The following RTEL1 variants were observed in gnomAD, a reference collection of about 807,000 sequenced individuals.
RTEL1 encodes regulator of telomere length.
In RTEL1, 86 loss-of-function variants were observed where a neutral mutation model predicts 162.2. The ratio of observed to expected loss-of-function variants is 0.53; its 90% CI spans 0.45 to 0.63. The LOEUF is 0.63. Ranked by LOEUF, RTEL1 falls within the 30% of genes least tolerant of loss-of-function variation. The pLI is 0.00. For synonymous variants in RTEL1, 958 were observed against 717.9 expected, an observed-to-expected ratio of 1.33 and a Z score of -5.35; for missense variants, 1,941 against 1,750.2, an observed-to-expected ratio of 1.11 and a Z score of -1.95.
intron 30 of RTEL1, among the ~76,000 whole-genome samples, chr20:63,693,923 C>G (rs991735279): frequency 6.6e-6 from 1 of 150,998 alleles, no homozygotes; most frequent in African/African-American, 2.4e-5. Context: ...ACGCCAGGGT[C>G]CTAGGGTCCT....
intron 17 of RTEL1, 36 bp from the exon 18 acceptor site, chr20:63,687,901 A>G (rs2090633598): frequency 6.2e-7 from 1 of 1,606,888 alleles, no homozygotes; most frequent in African/African-American, 1.3e-5. Flanking sequence ...GTGCTGGTGC[A>G]CTTCCCCACT....
rs143200080 is a variant in RTEL1 at position 63,689,720 on chromosome 20, C to T, written c.2026-30C>T. ...AGCCCCCGCCCCGTGGCCAAGGGAG[C>T]CCCCGTGACCGAGCCGCCTCGCCCC... On this transcript the variant is annotated intron_variant, in intron 23 of 34. Coordinates refer to ENST00000360203, the MANE Select transcript of RTEL1 (RefSeq NM_001283009.2). The T allele has an allele frequency of 0.029, 47,271 of 1,604,548 alleles. 843 individuals are homozygous for T. Among genetic ancestry groups the T allele is most frequent in the Non-Finnish European group, 0.034 (39,926 of 1,174,002 alleles).
chr20:63,694,299 G>GGCCCGCCCCCCC, intron 30 of RTEL1, 73 bp from the exon 31 acceptor site: 3 of 841,716 alleles, frequency 3.6e-6, no homozygotes, highest in Non-Finnish European at 4.0e-6. Flanking sequence ...TCCCTAGCCA[G>GGCCCGCCCCCCC]CCCTGCCCCC....
Position 63,661,271 on chromosome 20 carries a change from G to A in RTEL1, c.103-27G>A, listed in dbSNP as rs537727519. 3.1e-5 allele frequency: 50 copies of A among 1,605,128 alleles called. 1 individual carries two copies. Among genetic ancestry groups the A allele is most frequent in the Non-Finnish European group, 3.6e-5 (42 of 1,175,056 alleles). ...GGCCTCGCCTCTTCCTGGCTTCCCC[G>A]TAACCCTTGCTCCGAACTCCGTTCA... is the stretch of plus-strand genomic sequence containing the variant. On this transcript the variant is annotated intron_variant, in intron 2 of 34. Transcript: ENST00000360203. The surrounding 1 kb of genome is among the most constrained non-coding windows in gnomAD (Gnocchi z 5.1).
At chr20:63,677,163 G>A (rs2090371556) in intron 10 of RTEL1, among the ~76,000 whole-genome samples, 1 of 152,186 alleles carries the variant, frequency 6.6e-6, no homozygotes. Flanking sequence ...AATCAGCCAA[G>A]TCTCCAAGAA....
intron 13 of RTEL1, among the ~76,000 whole-genome samples, chr20:63,680,221 T>C (rs2090452893): frequency 6.6e-6 from 1 of 152,208 alleles, no homozygotes; most frequent in South Asian, 2.1e-4. Context: ...CTAGCTGGCT[T>C]GTGGGGCCTC....
At position 63,693,027 on chromosome 20, in the gene RTEL1, C is replaced by T. The variant is rs2090794267; in HGVS notation, c.2851+24C>T. 3 of 1,611,830 alleles carry T rather than the reference C, an allele frequency of 1.9e-6. No homozygotes were observed. In the South Asian group the frequency reaches 3.3e-5, roughly 18 times the overall value. The stretch of plus-strand genomic sequence containing the variant: ...AGGTGCCCTGGCTTGCAGAGGCCAC[C>T]CACCCTGAGGGCAGTGCTGCCGCCG... On this transcript the variant is annotated intron_variant, in intron 29 of 34. Transcript: ENST00000360203.
In RTEL1 at chr20:63,689,810, G is replaced by A. The variant is rs760108811; in HGVS notation, c.2086G>A (p.Gly696Arg). 1 of 1,612,054 alleles carries A rather than the reference G, an allele frequency of 6.2e-7. No homozygotes were observed. The highest frequency in any genetic ancestry group is 8.5e-7 in the Non-Finnish European group (1 of 1,179,776). The stretch of plus-strand genomic sequence containing the variant: ...GTCCAGGGCTGTGAACCAGGCCATC[G>A]GGCGAGTGATCCGGCACCGCCAGGA... ...QASRAVNQAI[G>R]RVIRHRQDYG... Residue 696 changes from glycine to arginine, a missense_variant, in exon 24 of 35, where the codon GGG (glycine) becomes AGG (arginine). Physicochemically the swap from Gly to Arg is moderately radical, Grantham distance 125. Transcript: ENST00000360203.
rs370343781 is a variant in RTEL1, at chr20:63,687,765, G to T, written c.1476G>T (p.Met492Ile). Residue 492 changes from methionine to isoleucine, a missense_variant, in exon 17 of 35, where the codon ATG becomes ATT. Transcript: ENST00000360203. ...LAPVSSFALEMQIPFPVCLEN... is the reference protein window; with the variant it reads ...LAPVSSFALEIQIPFPVCLEN... ...CGGTGTCCTCCTTTGCTCTGGAGAT[G>T]CAGATGTACGGGCCACCCCTGCCAG... 31 of 1,572,500 alleles carry T rather than the reference G, an allele frequency of 2.0e-5. No individual in the cohort carries two copies. The highest frequency in any genetic ancestry group is 1.7e-6 in the Non-Finnish European group (2 of 1,159,918).
In RTEL1 at chr20:63,692,927, C is replaced by T. The variant is rs12480346; in HGVS notation, c.2775C>T (p.Ser925=). The T allele has an allele frequency of 2.6e-3, 4,192 of 1,612,652 alleles. 107 individuals are homozygous for T. In the Admixed American group the frequency reaches 0.046, roughly 18 times the overall value. The change falls in exon 29 of 35, where the codon TCC becomes TCT. Residue 925 remains serine (S), a synonymous_variant. Coordinates refer to ENST00000360203, the MANE Select transcript of RTEL1 (RefSeq NM_001283009.2). The part of the protein sequence containing the change: ...FTQALQDYKG[S]DDFAALAACL... Reference sequence around the variant, plus strand: ...AGGCCCTGCAGGACTACAAGGGTTCCGATGACTTCGCCGCCCTGGCCGCCT... The same window carrying T: ...AGGCCCTGCAGGACTACAAGGGTTCTGATGACTTCGCCGCCCTGGCCGCCT...
intron 10 of RTEL1, among the ~76,000 whole-genome samples, chr20:63,676,138 G>A (rs6122144): frequency 1.3e-5 from 2 of 151,998 alleles, no homozygotes; most frequent in Non-Finnish European, 1.5e-5. Context: ...GTGCCATCAC[G>A]GCTCACTGCA....
chr20:63,676,658 G>A (rs1024080101), intron 10 of RTEL1, among the ~76,000 whole-genome samples: 2 of 152,160 alleles, frequency 1.3e-5, no homozygotes, highest in Non-Finnish European at 2.9e-5. Context: ...GGGGTGGGCC[G>A]GGTGTGCTGT....
At chr20:63,690,614 C>G (rs978509289) in intron 26 of RTEL1, among the ~76,000 whole-genome samples, 173 bp downstream of exon 26, 3 of 152,126 alleles carry the variant, frequency 2.0e-5, no homozygotes, top group Non-Finnish European at 4.4e-5. Flanking sequence ...GGCTGCAACC[C>G]TCCCCTACAG....
intron 30 of RTEL1, 73 bp from the exon 31 acceptor site, chr20:63,694,299 G>GGCCCGCCCCC: frequency 5.9e-6 from 5 of 841,718 alleles, no homozygotes; most frequent in East Asian, 2.8e-5. Flanking sequence ...TCCCTAGCCA[G>GGCCCGCCCCC]CCCTGCCCCC....
Position 63,688,123 on chromosome 20 carries a change from G to A in RTEL1, c.1596-16G>A, listed in dbSNP as rs2090638162. 1 of 1,612,530 alleles carries A rather than the reference G, an allele frequency of 6.2e-7. No homozygotes were observed. The highest frequency in any genetic ancestry group is 8.5e-7 in the Non-Finnish European group (1 of 1,179,926). On this transcript the variant is annotated splice_polypyrimidine_tract_variant and intron_variant, in intron 18 of 34. Transcript: ENST00000360203. ...CTGAGGCCTGAGGTCCTGAGCAGTG[G>A]CCTCTCCGGCTCTAGGTTTTCCGAG...
intron 2 of RTEL1, among the ~76,000 whole-genome samples, chr20:63,659,732 A>G (rs904201802): frequency 2.6e-5 from 4 of 152,238 alleles, no homozygotes; most frequent in Non-Finnish European, 5.9e-5. Context: ...ATTTCTCATC[A>G]GGCGGGACGA....
Position 63,680,700 on chromosome 20 carries a change from A to G in RTEL1, c.1172A>G (p.Lys391Arg). 1 of 1,613,406 alleles carries G rather than the reference A, an allele frequency of 6.2e-7. No homozygotes were observed. Among genetic ancestry groups the G allele is most frequent in the African/African-American group, 1.3e-5 (1 of 75,058 alleles). Reference protein sequence around the residue: ...GVFTNTAGLQKLADIIQIVFS... With the variant: ...GVFTNTAGLQRLADIIQIVFS... ...TTCACCAACACGGCCGGACTGCAGA[A>G]GCTGGCGGACATTATCCAGGTGGGG... Residue 391 changes from lysine (K) to arginine (R), a missense_variant, in exon 14 of 35, where the codon AAG (lysine) becomes AGG (arginine). Physicochemically the swap from Lys to Arg is conservative, Grantham distance 26 (BLOSUM62 2). Coordinates refer to ENST00000360203, the MANE Select transcript of RTEL1 (RefSeq NM_001283009.2).
chr20:63,690,348 G>T lies in RTEL1; in HGVS notation c.2320G>T (p.Val774Phe), dbSNP rs1245776000. The change falls in exon 26 of 35, where the codon GTC becomes TTC. Residue 774 changes from valine to phenylalanine, a missense_variant. Coordinates refer to ENST00000360203, the MANE Select transcript of RTEL1 (RefSeq NM_001283009.2). ...ACCCAGTGTGCGTGGAGAAGATGCT[G>T]TCAGCGAGGCCAAGTCGCCTGGCCC... ...TAPSVRGEDA[V>F]SEAKSPGPFF... 6.2e-7 allele frequency: 1 copy of T among 1,611,630 alleles called. No individual in the cohort carries two copies. Among genetic ancestry groups the T allele is most frequent in the Non-Finnish European group, 8.5e-7 (1 of 1,179,388 alleles).
chr20:63,685,605 C>A lies in RTEL1; in HGVS notation c.1266+8C>A. The A allele has an allele frequency of 6.2e-7, 1 of 1,609,042 alleles. No individual in the cohort carries two copies. Among genetic ancestry groups the A allele is most frequent in the Non-Finnish European group, 8.5e-7 (1 of 1,178,536 alleles). On this transcript the variant is annotated splice_region_variant and intron_variant, in intron 15 of 34. Coordinates refer to ENST00000360203, the MANE Select transcript of RTEL1 (RefSeq NM_001283009.2). ...GCCTTACAGTCCTATAAGGTAGGGG[C>A]CACCTCCAGGAGGCAGGTGGAGGGC...
Sources: allele counts gnomAD v4.1 joint callset (sites outside exome capture counted in the v4.1 genomes callset), GRCh38; gene constraint gnomAD v4.1.1; non-coding constraint Gnocchi (gnomAD v3.1); transcripts MANE v1.5; gene names NCBI Gene and HGNC (gene_info 2026-07-23, HGNC 2026-07-21).